The following KATNAL2 variants were observed in gnomAD, a reference collection of about 807,000 sequenced individuals.
The protein encoded by KATNAL2 is katanin catalytic subunit A1 like 2.
In KATNAL2, 52 loss-of-function variants were observed where a neutral mutation model predicts 76.3. That is an observed-to-expected ratio of 0.68 (90% CI 0.55 to 0.86). The LOEUF is 0.86. Among genes scored for constraint, KATNAL2 ranks in the 40% least tolerant of loss-of-function variants. The pLI, the probability that KATNAL2 is intolerant of heterozygous loss-of-function variation, is 0.00. For synonymous variants in KATNAL2, 243 were observed against 244.2 expected, an observed-to-expected ratio of 1.00 and a Z score of 0.05; for missense variants, 660 against 668.9, an observed-to-expected ratio of 0.99 and a Z score of 0.15.
intron 10 of KATNAL2, among the ~76,000 whole-genome samples, chr18:47,066,132 T>C (rs1402130363): frequency 1.3e-5 from 2 of 151,614 alleles, no homozygotes; most frequent in African/African-American, 4.8e-5. Flanking sequence ...CATGTGCATA[T>C]ATTACTTATT....
intron 1 of KATNAL2, among the ~76,000 whole-genome samples, chr18:46,939,029 A>G (rs2059169835): frequency 6.6e-6 from 1 of 152,160 alleles, no homozygotes; most frequent in African/African-American, 2.4e-5. Flanking sequence ...CAAGTATGAA[A>G]TAAGTATTTT....
At chr18:47,075,220 C>G in intron 13 of KATNAL2, 57 bp from the exon 14 acceptor site, 1 of 1,354,274 alleles carries the variant, frequency 7.4e-7, no homozygotes, top group Admixed American at 3.0e-5. Flanking sequence ...ACTCTGGGAG[C>G]ATCTGAGGAC....
intron 15 of KATNAL2, 183 bp downstream of exon 15, chr18:47,077,644 T>C (rs80303674): frequency 7.5e-6 from 4 of 533,240 alleles, no homozygotes; most frequent in Non-Finnish European, 1.3e-5. Context: ...AGATCTGCCT[T>C]AACAGAGGAA....
chr18:46,952,643 C>T (rs1823622060), intron 3 of KATNAL2, among the ~76,000 whole-genome samples: 1 of 152,046 alleles, frequency 6.6e-6, no homozygotes, highest in Non-Finnish European at 1.5e-5. Flanking sequence ...TCATGATCCA[C>T]CTGCCTCGGC....
At chr18:46,962,091 C>T (rs115029393) in intron 3 of KATNAL2, among the ~76,000 whole-genome samples, 2 of 152,060 alleles carry the variant, frequency 1.3e-5, no homozygotes, top group African/African-American at 4.8e-5. Context: ...TATTTTCAGC[C>T]ACTTGAGCAA....
chr18:47,034,948 T>G lies in KATNAL2; in HGVS notation c.52-11509T>G, dbSNP rs146911955. 18 of 1,607,096 alleles carry G rather than the reference T, an allele frequency of 1.1e-5. No homozygotes were observed. Among genetic ancestry groups the G allele is most frequent in the African/African-American group, 4.0e-5 (3 of 74,744 alleles). ...TTCTGGGAAGCCCCAGGCCTTTTCCTGGTCCTGAAGAGCCTCCCCGAAGCG... is the reference window on the plus strand; with the variant it reads ...TTCTGGGAAGCCCCAGGCCTTTTCCGGGTCCTGAAGAGCCTCCCCGAAGCG... On this transcript the variant is annotated intron_variant, in intron 3 of 17. Coordinates refer to ENST00000683218, the MANE Select transcript of KATNAL2 (RefSeq NM_001387690.1).
chr18:47,087,752 CTGTGTG>C (rs35852657), intron 15 of KATNAL2, among the ~76,000 whole-genome samples: 17 of 148,422 alleles, frequency 1.1e-4, no homozygotes, highest in Non-Finnish European at 1.9e-4. Flanking sequence ...TCTTTTACAT[CTGTGTG>C]TGTGTGTGTG....
chr18:47,034,145 C>T, intron 3 of KATNAL2: 1 of 1,614,218 alleles, frequency 6.2e-7, no homozygotes, highest in Non-Finnish European at 8.5e-7. Context: ...TCGAATTCCT[C>T]AGCCATATCT....
chr18:46,920,513 G>A (rs987200227), intron 1 of KATNAL2, among the ~76,000 whole-genome samples: 154 of 152,164 alleles, frequency 1.0e-3, no homozygotes, highest in Non-Finnish European at 5.1e-4. Flanking sequence ...GTTTTCTTGA[G>A]CCAATGCCTT....
chr18:47,050,956 G>A (rs16950323), intron 4 of KATNAL2, among the ~76,000 whole-genome samples: 18,362 of 152,250 alleles, frequency 0.12, 1,290 homozygotes, highest in East Asian at 0.19. Context: ...TTGAATGTGT[G>A]AGTGAGAATT....
At chr18:47,100,813 T>C (rs1201050743) in intron 17 of KATNAL2, 53 bp from the exon 18 acceptor site, 25 of 1,605,788 alleles carry the variant, frequency 1.6e-5, no homozygotes, top group East Asian at 4.5e-5. Flanking sequence ...TTCAAGAGCA[T>C]TGATCACCAA....
At chr18:46,919,117 G>A (rs956407448) in intron 1 of KATNAL2, among the ~76,000 whole-genome samples, 6 of 151,624 alleles carry the variant, frequency 4.0e-5, no homozygotes, top group Non-Finnish European at 8.8e-5. Flanking sequence ...TTAGGAAGCC[G>A]AGGCAGGTGG....
intron 10 of KATNAL2, among the ~76,000 whole-genome samples, chr18:47,064,088 C>A (rs947384972): frequency 1.3e-5 from 2 of 152,170 alleles, no homozygotes; most frequent in Non-Finnish European, 2.9e-5. Flanking sequence ...GGCTCCTGAG[C>A]TGTCTCTGTT....
rs551423309 is a variant in KATNAL2 at position 47,101,201 on chromosome 18, T to C, written c.*196T>C. The C allele has an allele frequency of 4.2e-5, 25 of 590,100 alleles. No homozygotes were observed. In the South Asian group the frequency reaches 5.4e-4, roughly 13 times the overall value. 36.6% of individuals were successfully genotyped at this position (590,100 alleles called of 1,614,324 possible). On this transcript the variant is annotated 3_prime_UTR_variant, in exon 18 of 18. Coordinates refer to ENST00000683218, the MANE Select transcript of KATNAL2 (RefSeq NM_001387690.1). The stretch of plus-strand genomic sequence containing the variant: ...TACCATTATCGATGTCAGCAAAATA[T>C]TGAGAGTTTCAGTTACATACATATA...
At chr18:47,056,092 T>A (rs1273165965) in intron 6 of KATNAL2, among the ~76,000 whole-genome samples, 1 of 152,224 alleles carries the variant, frequency 6.6e-6, no homozygotes, top group African/African-American at 2.4e-5. Flanking sequence ...ACTTAAAGAT[T>A]TGCTGATGAA....
chr18:47,077,379 A>AGAT lies in KATNAL2; in HGVS notation c.1129_1130insGAT (p.Lys377delinsArgTer). 1 of 1,613,930 alleles carries AGAT rather than the reference A, an allele frequency of 6.2e-7. No individual in the cohort carries two copies. Among genetic ancestry groups the AGAT allele is most frequent in the Non-Finnish European group, 8.5e-7 (1 of 1,179,816 alleles). ...AGAACATGAAGGAAGCCTGCGGATG[A>AGAT]AGACAGAGTTACTGGTGCAGATGGA... On this transcript the variant is annotated stop_gained and protein_altering_variant, in exon 15 of 18. Coordinates refer to ENST00000683218, the MANE Select transcript of KATNAL2 (RefSeq NM_001387690.1). LOFTEE classifies it high-confidence loss of function.
rs745361561 is a variant in KATNAL2, at chr18:47,059,576, C to T, written c.471C>T (p.Arg157=). The change falls in exon 8 of 18, where the codon CGC becomes CGT. Residue 157 remains arginine (R), a synonymous_variant. Transcript: ENST00000683218. ...HPNQEVVDNT[R]LESANFGLHI... ...TTCAGGAGGTAGTTGATAACACTCG[C>T]CTGGAAAGTGCCAACTTCGGCCTAC... The T allele has an allele frequency of 6.2e-7, 1 of 1,612,540 alleles. No homozygotes were observed. The highest frequency in any genetic ancestry group is 8.5e-7 in the Non-Finnish European group (1 of 1,178,642).
intron 1 of KATNAL2, among the ~76,000 whole-genome samples, chr18:46,930,699 C>A (rs889340750): frequency 6.6e-6 from 1 of 151,264 alleles, no homozygotes; most frequent in Non-Finnish European, 1.5e-5. Context: ...CCTGTAATTC[C>A]AGCTAGTTGG....
chr18:47,064,728 T>C (rs2061737189), intron 10 of KATNAL2, among the ~76,000 whole-genome samples: 1 of 152,140 alleles, frequency 6.6e-6, no homozygotes, highest in Non-Finnish European at 1.5e-5. Context: ...AGAGTGGAAA[T>C]GGCCTGAGAT....
Sources: allele counts gnomAD v4.1 joint callset (sites outside exome capture counted in the v4.1 genomes callset), GRCh38; gene constraint gnomAD v4.1.1; transcripts MANE v1.5; gene names NCBI Gene and HGNC (gene_info 2026-07-23, HGNC 2026-07-21).